LOC400499: variants seen among roughly 807,000 people sequenced by gnomAD.
chr16:11,519,841 G>A, the LOC400499 span, among the ~76,000 whole-genome samples: 1 of 152,022 alleles, frequency 6.6e-6, no homozygotes, highest in Non-Finnish European at 1.5e-5. Context: ...GAGTAGCTGG[G>A]ATTACAGGCA....
At chr16:11,515,475 G>C in the LOC400499 span, among the ~76,000 whole-genome samples, 6 of 144,884 alleles carry the variant, frequency 4.1e-5, no homozygotes, top group African/African-American at 1.4e-4. Flanking sequence ...ACATACATAC[G>C]TACGTACATA....
chr16:11,430,973 TC>T, the LOC400499 span: 11 of 398,622 alleles, frequency 2.8e-5, no homozygotes, highest in Admixed American at 4.8e-4. Context: ...TGGAAATGAA[TC>T]TACCTTGCAG....
the LOC400499 span, chr16:11,391,566 T>A: frequency 4.8e-6 from 5 of 1,046,174 alleles, no homozygotes; most frequent in Non-Finnish European, 6.1e-6. Context: ...CATTTCTGAT[T>A]GAAACAGTGC....
the LOC400499 span, among the ~76,000 whole-genome samples, chr16:11,379,859 C>G: frequency 6.6e-6 from 1 of 152,212 alleles, no homozygotes; most frequent in Non-Finnish European, 1.5e-5. Context: ...ACGAAACATC[C>G]TGAAGTTAGA....
the LOC400499 span, chr16:11,404,869 G>A: frequency 7.5e-6 from 3 of 398,856 alleles, no homozygotes; most frequent in Non-Finnish European, 8.8e-6. Flanking sequence ...GCGCTGAGCT[G>A]GAAGAGAATG....
chr16:11,439,831 TTGCCTGTTCA>T, the LOC400499 span, among the ~76,000 whole-genome samples: 5 of 152,018 alleles, frequency 3.3e-5, no homozygotes, highest in Non-Finnish European at 7.4e-5. Flanking sequence ...CCCTGCCATG[TTGCCTGTTCA>T]TGCCTCCCAC....
the LOC400499 span, among the ~76,000 whole-genome samples, chr16:11,502,937 T>TTTTTAAAA: frequency 1.4e-5 from 2 of 146,244 alleles, no homozygotes; most frequent in African/African-American, 5.2e-5. Context: ...TTTTTTTTTT[T>TTTTTAAAA]AAGAGACAGG....
At chr16:11,414,026 C>T in the LOC400499 span, among the ~76,000 whole-genome samples, 2 of 151,898 alleles carry the variant, frequency 1.3e-5, no homozygotes, top group South Asian at 4.1e-4. Flanking sequence ...TTGAAGGGGG[C>T]TGGGCACAGG....
the LOC400499 span, among the ~76,000 whole-genome samples, chr16:11,410,600 T>C: frequency 1.3e-5 from 2 of 152,250 alleles, no homozygotes; most frequent in African/African-American, 2.4e-5. Flanking sequence ...AAAGGTGGCC[T>C]GGGCCAGGGC....
At chr16:11,481,318 G>A in the LOC400499 span, among the ~76,000 whole-genome samples, 3 of 152,176 alleles carry the variant, frequency 2.0e-5, no homozygotes, top group Non-Finnish European at 1.5e-5. Flanking sequence ...TAAATACCAT[G>A]GAATTGTTCA....
chr16:11,373,683 G>A, the LOC400499 span, among the ~76,000 whole-genome samples: 231 of 151,306 alleles, frequency 1.5e-3, no homozygotes, highest in Middle Eastern at 3.5e-3. Flanking sequence ...GCAGTGGTGC[G>A]ACCTCAGTTC....
chr16:11,400,501 C>T, the LOC400499 span, among the ~76,000 whole-genome samples: 6 of 149,480 alleles, frequency 4.0e-5, no homozygotes, highest in East Asian at 2.0e-4. Context: ...AGTGCAGTGG[C>T]GTGATCTTGG....
chr16:11,496,814 A>G, the LOC400499 span, among the ~76,000 whole-genome samples: 13 of 151,712 alleles, frequency 8.6e-5, no homozygotes, highest in Non-Finnish European at 1.8e-4. Flanking sequence ...ATGTCCTGCC[A>G]TGTCTTCACA....
the LOC400499 span, among the ~76,000 whole-genome samples, chr16:11,496,585 T>G: frequency 2.2e-4 from 34 of 152,302 alleles, no homozygotes; most frequent in African/African-American, 7.7e-4. Flanking sequence ...GTGTATTTCC[T>G]GGTGGATGCC....
the LOC400499 span, among the ~76,000 whole-genome samples, chr16:11,420,699 G>C: frequency 1.4e-5 from 2 of 145,686 alleles, no homozygotes; most frequent in Non-Finnish European, 3.0e-5. Flanking sequence ...AGGGATGACA[G>C]ACGGGGAGAG....
chr16:11,380,059 G>C, the LOC400499 span, among the ~76,000 whole-genome samples: 13 of 152,140 alleles, frequency 8.5e-5, no homozygotes, highest in Non-Finnish European at 1.6e-4. Context: ...CTGGACTCAA[G>C]TGATCCTTCG....
the LOC400499 span, among the ~76,000 whole-genome samples, chr16:11,395,838 C>T: frequency 3.9e-5 from 6 of 152,072 alleles, no homozygotes; most frequent in South Asian, 2.1e-4. Context: ...ACGCAGGCAG[C>T]GGGAACCGGT....
the LOC400499 span, chr16:11,502,131 C>G: frequency 1.4e-3 from 552 of 399,138 alleles, 6 homozygotes; most frequent in Non-Finnish European, 2.7e-4. Flanking sequence ...CAGCTCACCC[C>G]CAGAAAGGCC....
chr16:11,427,780 A>G, the LOC400499 span, among the ~76,000 whole-genome samples: 3 of 152,280 alleles, frequency 2.0e-5, no homozygotes, highest in East Asian at 5.8e-4. Flanking sequence ...TAAATTTTAT[A>G]TCAGAGGAAC....
Sources: allele counts gnomAD v4.1 joint callset (sites outside exome capture counted in the v4.1 genomes callset), GRCh38; gene constraint gnomAD v4.1.1; transcripts MANE v1.5.